Variants in OPHN1 observed in about 807,000 individuals in gnomAD.
OPHN1 encodes oligophrenin-1.
OPHN1 carries 11 observed loss-of-function variants against 60.7 expected under a neutral mutation model. That is an observed-to-expected ratio of 0.18 (90% CI 0.11 to 0.30). The LOEUF (loss-of-function observed/expected upper bound fraction) is 0.30, where lower values mean the gene tolerates loss of function less well. Ranked by LOEUF, OPHN1 falls within the 10% of genes least tolerant of loss-of-function variation. The pLI is 1.00. For synonymous variants in OPHN1, 226 were observed against 222.6 expected (o/e 1.02, Z -0.14); for missense variants, 449 against 611.0 (o/e 0.73, Z 2.80).
At chrX:68,071,381 C>A in intron 20 of OPHN1, 1 of 721,282 alleles carries the variant, frequency 1.4e-6, no homozygotes, top group Middle Eastern at 3.7e-4. Flanking sequence ...TTTCCCTTCC[C>A]TTCTTCTTCC....
intron 5 of OPHN1, among the ~76,000 whole-genome samples, chrX:68,261,098 T>C (rs1157842694): frequency 9.0e-6 from 1 of 111,536 alleles, no homozygotes; most frequent in African/African-American, 3.3e-5. Context: ...GAACACACTA[T>C]ATCATAGCTT....
intron 7 of OPHN1, 75 bp downstream of exon 7, chrX:68,213,787 T>C (rs748731646): frequency 1.6e-6 from 1 of 632,160 alleles, no homozygotes; most frequent in Non-Finnish European, 2.6e-6. Flanking sequence ...GATTCTGTTT[T>C]TATGATCAAA....
intron 2 of OPHN1, among the ~76,000 whole-genome samples, chrX:68,377,254 G>C (rs762703735): frequency 9.3e-6 from 1 of 108,053 alleles, no homozygotes; most frequent in Non-Finnish European, 1.9e-5. Flanking sequence ...CCGCTACCAC[G>C]CCCGGCTAAT....
chrX:68,107,546 G>T (rs756358431), intron 18 of OPHN1, among the ~76,000 whole-genome samples: 21 of 111,464 alleles, frequency 1.9e-4, no homozygotes, highest in Non-Finnish European at 3.8e-4. Flanking sequence ...GCACAATCTC[G>T]GCTCACTGCA....
intron 21 of OPHN1, among the ~76,000 whole-genome samples, chrX:68,054,774 T>C (rs1174229971): frequency 9.0e-6 from 1 of 110,868 alleles, no homozygotes; most frequent in East Asian, 2.8e-4. Context: ...TAATATCAAG[T>C]GAAAAAAAAG....
At chrX:68,317,363 GA>G (rs1569278067) in intron 2 of OPHN1, among the ~76,000 whole-genome samples, 36 of 68,747 alleles carry the variant, frequency 5.2e-4, no homozygotes, top group African/African-American at 2.1e-3. Flanking sequence ...AAGAAAGAAA[GA>G]AAGAAAGAAA....
chrX:68,104,723 G>A (rs182636893), intron 18 of OPHN1, among the ~76,000 whole-genome samples: 4 of 111,701 alleles, frequency 3.6e-5, no homozygotes, highest in African/African-American at 1.3e-4. Context: ...AAAAACATAG[G>A]CAATACCATT....
intron 2 of OPHN1, among the ~76,000 whole-genome samples, chrX:68,337,365 C>T (rs775711186): frequency 9.0e-6 from 1 of 110,905 alleles, no homozygotes; most frequent in African/African-American, 3.3e-5. Flanking sequence ...ATAACAGCAC[C>T]GAATGCAAAA....
At chrX:68,311,901 A>C (rs754759623) in intron 2 of OPHN1, among the ~76,000 whole-genome samples, 1 of 111,661 alleles carries the variant, frequency 9.0e-6, no homozygotes, top group African/African-American at 3.3e-5. Context: ...TCCATCCCAC[A>C]ACAATAAAAC....
intron 2 of OPHN1, among the ~76,000 whole-genome samples, chrX:68,353,573 T>TTAAATAAA (rs748979828): frequency 1.8e-5 from 2 of 110,354 alleles, no homozygotes; most frequent in Non-Finnish European, 3.8e-5. Flanking sequence ...AAACTCCACC[T>TTAAATAAA]TAAATAAATA....
intron 6 of OPHN1, among the ~76,000 whole-genome samples, chrX:68,228,117 A>C (rs1255093934): frequency 1.8e-5 from 2 of 111,841 alleles, no homozygotes; most frequent in Non-Finnish European, 3.8e-5. Context: ...ACCATCAGAG[A>C]ATACCATAAA....
chrX:68,064,229 T>C, intron 20 of OPHN1, 52 bp from the exon 21 acceptor site: 1 of 1,137,484 alleles, frequency 8.8e-7, no homozygotes, highest in Non-Finnish European at 1.2e-6. Flanking sequence ...TTTAAAACCT[T>C]TTCATTTTGA....
chrX:68,247,031 G>A (rs2077809462), intron 5 of OPHN1, among the ~76,000 whole-genome samples: 1 of 111,630 alleles, frequency 9.0e-6, no homozygotes, highest in Non-Finnish European at 1.9e-5. Flanking sequence ...GATCCCTCAT[G>A]AGATGGCAAC....
At chrX:68,159,442 C>T (rs920716054) in intron 15 of OPHN1, among the ~76,000 whole-genome samples, 3 of 111,690 alleles carry the variant, frequency 2.7e-5, no homozygotes, top group Non-Finnish European at 5.6e-5. Flanking sequence ...ATGTAGCAAT[C>T]GGTCAACAAT....
At chrX:68,065,346 G>T (rs1167953894) in intron 20 of OPHN1, among the ~76,000 whole-genome samples, 1 of 111,378 alleles carries the variant, frequency 9.0e-6, no homozygotes, top group Non-Finnish European at 1.9e-5. Context: ...TGATATTGCG[G>T]TTTTGCTTTT....
At chrX:68,382,220 A>G (rs5965565) in intron 2 of OPHN1, among the ~76,000 whole-genome samples, 33,951 of 109,640 alleles carry the variant, frequency 0.31, 7,706 homozygotes, top group African/African-American at 0.81. Context: ...GGTGGTACAC[A>G]CCTGTAGTCC....
At chrX:68,208,818 A>C (rs1267849271) in intron 9 of OPHN1, among the ~76,000 whole-genome samples, 3 of 112,019 alleles carry the variant, frequency 2.7e-5, no homozygotes, top group African/African-American at 9.8e-5. Context: ...GATTACTATG[A>C]GCACAAAGTG....
intron 19 of OPHN1, among the ~76,000 whole-genome samples, chrX:68,093,987 C>G (rs946940972): frequency 1.8e-5 from 2 of 109,812 alleles, no homozygotes; most frequent in Admixed American, 9.7e-5. Context: ...TCAATAAGTC[C>G]TAGGCTCTAA....
chrX:68,144,878 A>G (rs1194511586), intron 15 of OPHN1, among the ~76,000 whole-genome samples: 1 of 112,175 alleles, frequency 8.9e-6, no homozygotes, highest in Non-Finnish European at 1.9e-5. Context: ...CAATATATGG[A>G]TCATTTCATG....
Sources: allele counts gnomAD v4.1 joint callset (sites outside exome capture counted in the v4.1 genomes callset), GRCh38; gene constraint gnomAD v4.1.1; transcripts MANE v1.5; gene names NCBI Gene and HGNC (gene_info 2026-07-23, HGNC 2026-07-21).